Variants in SYNPR observed in about 807,000 individuals in gnomAD.
The protein encoded by SYNPR is synaptoporin.
Under a neutral mutation model 32.9 loss-of-function variants are expected in SYNPR, and 23 were observed. The observed-to-expected ratio is 0.70, with a 90% CI of 0.50 to 0.99. SYNPR has a LOEUF of 0.99. Ranked by LOEUF, SYNPR falls within the 50% of genes least tolerant of loss-of-function variation. The pLI, the probability that SYNPR is intolerant of heterozygous loss-of-function variation, is 0.00. For missense variants in SYNPR, 318 were observed against 349.3 expected, an observed-to-expected ratio of 0.91 and a Z score of 0.71; for synonymous variants, 146 against 135.9, an observed-to-expected ratio of 1.07 and a Z score of -0.52.
At chr3:63,487,153 C>T (rs1202725993) in intron 3 of SYNPR, among the ~76,000 whole-genome samples, 1 of 152,092 alleles carries the variant, frequency 6.6e-6, no homozygotes, top group Non-Finnish European at 1.5e-5. Context: ...TTCTAGGTGG[C>T]AAGATTATGA....
At chr3:63,586,607 C>T (rs7620231) in intron 4 of SYNPR, among the ~76,000 whole-genome samples, 3,103 of 150,750 alleles carry the variant, frequency 0.021, 125 homozygotes, top group African/African-American at 0.071. Flanking sequence ...TTCCTTTAAG[C>T]GTCTCTACCA....
chr3:63,526,338 C>T (rs748353203), intron 3 of SYNPR, among the ~76,000 whole-genome samples: 5 of 152,206 alleles, frequency 3.3e-5, no homozygotes, highest in Non-Finnish European at 7.3e-5. Context: ...CACCTCTGTG[C>T]ATTATATCAT....
At chr3:63,247,493 A>T (rs1387014680) in intron 1 of SYNPR, among the ~76,000 whole-genome samples, 1 of 152,106 alleles carries the variant, frequency 6.6e-6, no homozygotes, top group East Asian at 1.9e-4. Context: ...ATTATGAAGC[A>T]TAAAGTTCAG....
At chr3:63,612,449 G>A (rs1306409965) in intron 5 of SYNPR, among the ~76,000 whole-genome samples, 1 of 152,166 alleles carries the variant, frequency 6.6e-6, no homozygotes, top group Admixed American at 6.5e-5. Context: ...CTTCACTCCA[G>A]ACAAATCTTA....
chr3:63,409,463 G>T (rs1323826811), intron 2 of SYNPR, among the ~76,000 whole-genome samples: 1 of 151,994 alleles, frequency 6.6e-6, no homozygotes, highest in Non-Finnish European at 1.5e-5. Context: ...CCTACTTTCA[G>T]GTTTCAGCAG....
At chr3:63,488,417 T>G (rs975421481) in intron 3 of SYNPR, among the ~76,000 whole-genome samples, 10 of 152,162 alleles carry the variant, frequency 6.6e-5, no homozygotes, top group Admixed American at 2.0e-4. Context: ...AGAGGTGGTG[T>G]GGCCAAAGGG....
At chr3:63,565,469 G>A (rs1702765311) in intron 4 of SYNPR, among the ~76,000 whole-genome samples, 1 of 152,158 alleles carries the variant, frequency 6.6e-6, no homozygotes, top group South Asian at 2.1e-4. Context: ...TCCTCACGTG[G>A]TAGAAGGCAG....
intron 2 of SYNPR, among the ~76,000 whole-genome samples, chr3:63,370,123 A>G (rs1233439161): frequency 6.6e-6 from 1 of 152,162 alleles, no homozygotes; most frequent in Non-Finnish European, 1.5e-5. Flanking sequence ...ATCAGCAAGC[A>G]GCTAGACAGC....
In SYNPR at chr3:63,278,485, T is replaced by C. The variant is rs2086596976; in HGVS notation, c.-49T>C. 1.3e-6 allele frequency: 2 copies of C among 1,535,838 alleles called. No homozygotes were observed. Among genetic ancestry groups the C allele is most frequent in the Non-Finnish European group, 1.8e-6 (2 of 1,138,866 alleles). On this transcript the variant is annotated 5_prime_UTR_variant, in exon 1 of 6. Coordinates refer to ENST00000478300, the MANE Select transcript of SYNPR (RefSeq NM_001130003.2). ...TGAGGACGGTGGTGCCAAGCGAACT[T>C]CATTTTTAAAAAGAACTGGTGGATG... is the stretch of plus-strand genomic sequence containing the variant.
At chr3:63,253,696 A>G (rs1039879696) in intron 2 of SYNPR, among the ~76,000 whole-genome samples, 2 of 152,166 alleles carry the variant, frequency 1.3e-5, no homozygotes, top group Non-Finnish European at 2.9e-5. Context: ...TGGAGAAATA[A>G]GAACACTTTT....
intron 2 of SYNPR, among the ~76,000 whole-genome samples, chr3:63,409,066 A>G (rs2088426995): frequency 6.6e-6 from 1 of 152,036 alleles, no homozygotes; most frequent in Non-Finnish European, 1.5e-5. Context: ...CTAAAGATCA[A>G]TCCATCTGCA....
chr3:63,503,534 T>A (rs1402249177), intron 3 of SYNPR, among the ~76,000 whole-genome samples: 1 of 152,170 alleles, frequency 6.6e-6, no homozygotes, highest in Non-Finnish European at 1.5e-5. Context: ...TTCTCAGACT[T>A]TTAATCTCAA....
Position 63,408,303 on chromosome 3 carries a change from G to A in SYNPR, c.85-72529G>A, listed in dbSNP as rs1333568789. On this transcript the variant is annotated intron_variant, in intron 2 of 5. Transcript: ENST00000478300. ...AGGAAGGAAGGAAGGAAGGAAGGAA[G>A]GAAGGAAGGAAGGAAGGAAAGAAAG... Among the ~76,000 whole-genome samples the A allele has an allele frequency of 2.1e-4, 19 of 92,592 alleles. 1 individual carries two copies. The highest frequency in any genetic ancestry group is 1.0e-3 in the African/African-American group (16 of 16,030). 60.7% of individuals were successfully genotyped at this position (92,592 alleles called of 152,430 possible). A position where few individuals can be genotyped will look rare whatever the true frequency, so the allele number is the denominator to read the frequency against.
rs1461607685 is a variant in SYNPR at position 63,278,327 on chromosome 3, C to G, written c.-207C>G. 1.6e-6 allele frequency: 1 copy of G among 619,498 alleles called. No individual in the cohort carries two copies. The highest frequency in any genetic ancestry group is 2.5e-5 in the South Asian group (1 of 40,456). 38.4% of individuals were successfully genotyped at this position (619,498 alleles called of 1,614,324 possible). The stretch of plus-strand genomic sequence containing the variant: ...CTGCCCACCCCTCGCTGACTCGCTT[C>G]GCTTCCCCGACGCGCTGGGTTCCCG... On this transcript the variant is annotated 5_prime_UTR_variant, in exon 1 of 6. Transcript: ENST00000478300.
chr3:63,367,818 C>T (rs1312608760), intron 2 of SYNPR, among the ~76,000 whole-genome samples: 4 of 152,090 alleles, frequency 2.6e-5, no homozygotes, highest in Non-Finnish European at 5.9e-5. Context: ...CTTCCCATTT[C>T]CCCAGATCTG....
At chr3:63,301,253 G>C (rs997920439) in intron 2 of SYNPR, among the ~76,000 whole-genome samples, 3 of 152,064 alleles carry the variant, frequency 2.0e-5, no homozygotes, top group African/African-American at 2.4e-5. Context: ...TAATATTTTG[G>C]GTGACTGTTA....
intron 2 of SYNPR, among the ~76,000 whole-genome samples, chr3:63,449,680 C>T (rs777454587): frequency 6.6e-6 from 1 of 152,146 alleles, no homozygotes; most frequent in Non-Finnish European, 1.5e-5. Flanking sequence ...ACAGTTTACC[C>T]TAGGGTTTTT....
At chr3:63,299,393 T>G (rs946013175) in intron 2 of SYNPR, among the ~76,000 whole-genome samples, 1 of 152,154 alleles carries the variant, frequency 6.6e-6, no homozygotes, top group African/African-American at 2.4e-5. Context: ...TTTGTTTTTT[T>G]GTTTTGTTTC....
intron 2 of SYNPR, among the ~76,000 whole-genome samples, chr3:63,379,504 T>C (rs568002787): frequency 6.6e-6 from 1 of 152,276 alleles, no homozygotes. Flanking sequence ...GTAGCTCTGT[T>C]TTTTGGTATG....
Sources: gnomAD v4.1 joint callset for allele counts (sites outside exome capture counted in the v4.1 genomes callset) on GRCh38, gnomAD v4.1.1 for gene constraint, MANE v1.5 for transcripts, NCBI Gene and HGNC (gene_info 2026-07-23, HGNC 2026-07-21) for gene names.